Variants in CBLN2 observed in about 807,000 individuals in gnomAD.
CBLN2 encodes cerebellin-2.
CBLN2 carries 7 observed loss-of-function variants against 15.0 expected under a neutral mutation model. The observed-to-expected ratio is 0.47, with a 90% CI of 0.27 to 0.88. The LOEUF is 0.88. Ranked by LOEUF, CBLN2 falls within the 40% of genes least tolerant of loss-of-function variation. The pLI is 0.14. For synonymous variants in CBLN2, 149 were observed against 135.2 expected, an observed-to-expected ratio of 1.10 and a Z score of -0.71; for missense variants, 242 against 304.5, an observed-to-expected ratio of 0.79 and a Z score of 1.53.
chr18:72,618,325 G>T, intron 1 of CBLN2: 1 of 456,304 alleles, frequency 2.2e-6, no homozygotes, highest in South Asian at 2.1e-5. Context: ...TTCATTGGAG[G>T]GTTGAGCTCT....
At chr18:72,586,111 AGGGGT>A (rs1043185327) in intron 1 of CBLN2, among the ~76,000 whole-genome samples, 1 of 152,120 alleles carries the variant, frequency 6.6e-6, no homozygotes, top group Non-Finnish European at 1.5e-5. Context: ...CCAACTCAGA[AGGGGT>A]GGGGCTTCTG....
intron 1 of CBLN2, among the ~76,000 whole-genome samples, chr18:72,601,958 C>T (rs2069551301): frequency 1.3e-5 from 2 of 152,202 alleles, no homozygotes; most frequent in Non-Finnish European, 2.9e-5. Context: ...CAGTTTACAG[C>T]CCCTCAGAAG....
intron 1 of CBLN2, among the ~76,000 whole-genome samples, chr18:72,572,858 TA>T (rs2069341033): frequency 6.6e-6 from 1 of 151,870 alleles, no homozygotes; most frequent in South Asian, 2.1e-4. Flanking sequence ...TTATTATATA[TA>T]AAAAACAAAA....
intron 1 of CBLN2, among the ~76,000 whole-genome samples, chr18:72,569,687 C>G (rs890629657): frequency 6.6e-6 from 1 of 152,022 alleles, no homozygotes; most frequent in Non-Finnish European, 1.5e-5. Context: ...AGAGAGGGAG[C>G]AGGTGCTACA....
chr18:72,601,594 A>G (rs945645358), intron 1 of CBLN2, among the ~76,000 whole-genome samples: 2 of 152,150 alleles, frequency 1.3e-5, no homozygotes, highest in African/African-American at 4.8e-5. Flanking sequence ...CTTGGGTCAG[A>G]CTGGAAAATT....
chr18:72,574,101 T>C (rs2069349152), intron 1 of CBLN2, among the ~76,000 whole-genome samples: 2 of 152,332 alleles, frequency 1.3e-5, no homozygotes, highest in South Asian at 4.1e-4. Flanking sequence ...AGGTGTCTGT[T>C]TAGGTTTTTT....
chr18:72,611,088 T>G (rs1235201846), intron 1 of CBLN2, among the ~76,000 whole-genome samples: 2 of 152,232 alleles, frequency 1.3e-5, no homozygotes, highest in Non-Finnish European at 2.9e-5. Context: ...TTTTTATGGC[T>G]GCATAGTATT....
rs531677582 is a variant in CBLN2, at chr18:72,569,063, T to A, written c.16-30291A>T. Reference sequence around the variant, plus strand: ...TTAATGCAGACATTCATGTTGAAACTTCTTTTGGAAAACTAGTTGTTAAAT... The same window carrying A: ...TTAATGCAGACATTCATGTTGAAACATCTTTTGGAAAACTAGTTGTTAAAT... On this transcript the variant is annotated intron_variant, in intron 1 of 2. Transcript: ENST00000581073. 4.8e-4 allele frequency among the ~76,000 whole-genome samples: 73 copies of A among 152,350 alleles called. 1 individual carries two copies. Among genetic ancestry groups the A allele is most frequent in the Admixed American group, 4.7e-3 (72 of 15,310 alleles).
At chr18:72,553,451 C>T (rs921337765) in intron 1 of CBLN2, among the ~76,000 whole-genome samples, 1 of 142,342 alleles carries the variant, frequency 7.0e-6, no homozygotes, top group Admixed American at 7.1e-5. Context: ...CATAGACTAA[C>T]AATTTGTGAT....
In CBLN2 at chr18:72,622,965, A is replaced by C. The variant is rs969347913; in HGVS notation, c.15+15360T>G. Among the ~76,000 whole-genome samples, 28 of 152,276 alleles carry C rather than the reference A, an allele frequency of 1.8e-4. 1 individual carries two copies. The highest frequency in any genetic ancestry group is 6.7e-4 in the African/African-American group (28 of 41,564). ...TATAAAGAACTACCTGGGACTGGGT[A>C]ATTTATAAAGAAAAGAGGTTGAATT... On this transcript the variant is annotated intron_variant, in intron 1 of 2. Transcript: ENST00000581073.
chr18:72,621,441 T>C (rs1180386373), intron 1 of CBLN2, among the ~76,000 whole-genome samples: 2 of 152,234 alleles, frequency 1.3e-5, no homozygotes, highest in African/African-American at 2.4e-5. Context: ...AAAGATTACA[T>C]AGAATATCTC....
chr18:72,579,631 C>G (rs1599008553), intron 1 of CBLN2, among the ~76,000 whole-genome samples: 1 of 152,136 alleles, frequency 6.6e-6, no homozygotes, highest in East Asian at 1.9e-4. Context: ...ACTTGGGAGG[C>G]TGAGGCAGGA....
intron 1 of CBLN2, among the ~76,000 whole-genome samples, chr18:72,599,047 G>A (rs1447425316): frequency 6.6e-6 from 1 of 152,194 alleles, no homozygotes; most frequent in African/African-American, 2.4e-5. Flanking sequence ...GGGTTCTTGT[G>A]AAGGTGTTTT....
chr18:72,591,361 A>C (rs2069478558), intron 1 of CBLN2, among the ~76,000 whole-genome samples: 1 of 152,176 alleles, frequency 6.6e-6, no homozygotes, highest in East Asian at 1.9e-4. Context: ...TTTTTAAAAA[A>C]TTTATGTAGG....
chr18:72,610,242 C>A (rs2069613277), intron 1 of CBLN2, among the ~76,000 whole-genome samples: 2 of 152,156 alleles, frequency 1.3e-5, no homozygotes, highest in South Asian at 4.1e-4. Flanking sequence ...CTGGCCACCC[C>A]TGTCCCTTCA....
chr18:72,613,489 C>A (rs564542392), intron 1 of CBLN2, among the ~76,000 whole-genome samples: 1 of 94,452 alleles, frequency 1.1e-5, no homozygotes, highest in Non-Finnish European at 3.3e-5. Context: ...TTCTTACACA[C>A]TTTAGTTGAA....
intron 1 of CBLN2, among the ~76,000 whole-genome samples, chr18:72,630,034 C>T (rs2069764299): frequency 6.6e-6 from 1 of 152,140 alleles, no homozygotes. Flanking sequence ...CAAAATCTTA[C>T]ATTGTATAAT....
intron 1 of CBLN2, among the ~76,000 whole-genome samples, chr18:72,628,867 A>G (rs1409019833): frequency 6.6e-6 from 1 of 152,124 alleles, no homozygotes; most frequent in African/African-American, 2.4e-5. Context: ...TTAAGTTGTG[A>G]CAAGTTTTTA....
chr18:72,602,380 C>T (rs1004860860), intron 1 of CBLN2, among the ~76,000 whole-genome samples: 2 of 152,170 alleles, frequency 1.3e-5, no homozygotes, highest in African/African-American at 4.8e-5. Context: ...CTTCTGGTAT[C>T]CCATTCCAGT....
Sources: allele counts gnomAD v4.1 joint callset (sites outside exome capture counted in the v4.1 genomes callset), GRCh38; gene constraint gnomAD v4.1.1; transcripts MANE v1.5; gene names NCBI Gene and HGNC (gene_info 2026-07-23, HGNC 2026-07-21).